Variants in CDO1 observed in about 807,000 individuals in gnomAD.
The protein encoded by CDO1 is cysteine dioxygenase, type I.
A neutral mutation model predicts 24.5 loss-of-function variants in CDO1; 19 were observed. That is an observed-to-expected ratio of 0.77 (90% CI 0.54 to 1.14). The LOEUF (loss-of-function observed/expected upper bound fraction) is 1.14. CDO1 is among the 50% of genes most tolerant of loss of function. The pLI is 0.00. For missense variants in CDO1, 244 were observed against 244.8 expected (o/e 1.00, Z 0.02); for synonymous variants, 91 against 87.0 (o/e 1.05, Z -0.26).
intron 3 of CDO1, 72 bp from the exon 4 acceptor site, chr5:115,806,590 T>A (rs2112677229): frequency 9.7e-7 from 1 of 1,030,652 alleles, no homozygotes; most frequent in Non-Finnish European, 1.4e-6. Flanking sequence ...TCTCTGTGAG[T>A]CATCTGAGAT....
chr5:115,809,319 G>A (rs1212807159), intron 3 of CDO1, among the ~76,000 whole-genome samples: 2 of 152,074 alleles, frequency 1.3e-5, no homozygotes, highest in African/African-American at 4.8e-5. Flanking sequence ...TTTCTTGGGG[G>A]TATTTATGAA....
intron 1 of CDO1, among the ~76,000 whole-genome samples, chr5:115,813,471 G>A (rs1760287477): frequency 6.6e-6 from 1 of 152,126 alleles, no homozygotes; most frequent in Admixed American, 6.5e-5. Flanking sequence ...AGAGGTAGCT[G>A]CTCAGTTTTA....
intron 1 of CDO1, among the ~76,000 whole-genome samples, chr5:115,814,660 C>T (rs942247064): frequency 6.6e-6 from 1 of 152,132 alleles, no homozygotes. Context: ...TCAATCGAGA[C>T]TAGTTCAAGG....
At position 115,816,269 on chromosome 5, in the gene CDO1, G is replaced by A. The variant is rs1760439933; in HGVS notation, c.129C>T (p.Asp43=). ...TGGCGTACATTGCCCACTCGGTGGG[G>A]TCGCTCTCGTAGGCTTCCATGATGG... ...VQAIMEAYES[D]PTEWAMYAKF... is the part of the protein sequence containing the mutation. Residue 43 remains aspartate, a synonymous_variant, in exon 1 of 5, where the codon GAC becomes GAT. Coordinates refer to ENST00000250535, the MANE Select transcript of CDO1 (RefSeq NM_001801.3). 2.5e-6 allele frequency: 4 copies of A among 1,614,084 alleles called. No homozygotes were observed. The highest frequency in any genetic ancestry group is 3.4e-6 in the Non-Finnish European group (4 of 1,180,036).
At chr5:115,806,813 A>C (rs1759968400) in intron 3 of CDO1, among the ~76,000 whole-genome samples, 1 of 152,236 alleles carries the variant, frequency 6.6e-6, no homozygotes, top group Non-Finnish European at 1.5e-5. Flanking sequence ...AGTAAGATGG[A>C]TAGCTTTACA....
intron 3 of CDO1, among the ~76,000 whole-genome samples, chr5:115,810,206 G>C (rs1760125828): frequency 6.6e-6 from 1 of 152,138 alleles, no homozygotes; most frequent in South Asian, 2.1e-4. Flanking sequence ...TTGGGTAAAT[G>C]AATCAGAGCT....
At chr5:115,814,366 C>T (rs1760332400) in intron 1 of CDO1, 1 of 152,250 alleles carries the variant, frequency 6.6e-6, no homozygotes, top group Non-Finnish European at 1.5e-5. Flanking sequence ...TTTGTTGCTT[C>T]TCTGCAGCTT....
chr5:115,811,469 T>G (rs955997518), intron 2 of CDO1, among the ~76,000 whole-genome samples, 154 bp from the exon 3 acceptor site: 2 of 152,204 alleles, frequency 1.3e-5, no homozygotes, highest in African/African-American at 2.4e-5. Flanking sequence ...TGTTATCAAC[T>G]TACAGTTCAA....
intron 2 of CDO1, among the ~76,000 whole-genome samples, 188 bp from the exon 3 acceptor site, chr5:115,811,503 T>C (rs987696437): frequency 1.3e-5 from 2 of 152,184 alleles, no homozygotes; most frequent in African/African-American, 2.4e-5. Context: ...AAAGTAATAA[T>C]ATATCATCTA....
rs1479486512 is a variant in CDO1, at chr5:115,804,788, T to C, written c.*645A>G. The stretch of plus-strand genomic sequence containing the variant: ...TTGGTAATTTTAGCAGTACAAAATC[T>C]TTGACTATGACCATGGGACACAGAC... On this transcript the variant is annotated 3_prime_UTR_variant, in exon 5 of 5. Coordinates refer to ENST00000250535, the MANE Select transcript of CDO1 (RefSeq NM_001801.3). 1 of 152,148 alleles carries C rather than the reference T, an allele frequency of 6.6e-6. No individual in the cohort carries two copies. Among genetic ancestry groups the C allele is most frequent in the Non-Finnish European group, 1.5e-5 (1 of 68,026 alleles). The allele number at this position is 152,148 out of a possible 1,614,324, so 9.4% of individuals were successfully genotyped here.
At position 115,813,169 on chromosome 5, in the gene CDO1, T is replaced by C. The variant is rs529590866; in HGVS notation, c.248+12A>G. On this transcript the variant is annotated intron_variant, in intron 2 of 4. Transcript: ENST00000250535. ...GCTCTAATAAATATCTGTGAATGAA[T>C]AGTTATTTTACCTGCCATGTCCTTC... 6.8e-7 allele frequency: 1 copy of C among 1,463,284 alleles called. No homozygotes were observed. The highest frequency in any genetic ancestry group is 1.1e-5 in the South Asian group (1 of 87,172). 90.6% of individuals were successfully genotyped at this position (1,463,284 alleles called of 1,614,324 possible).
At chr5:115,811,544 T>C (rs1760190299) in intron 2 of CDO1, among the ~76,000 whole-genome samples, 3 of 152,224 alleles carry the variant, frequency 2.0e-5, no homozygotes, top group South Asian at 2.1e-4. Flanking sequence ...ACAATTTTGA[T>C]GCATACCCCT....
intron 4 of CDO1, 30 bp from the exon 5 acceptor site, chr5:115,805,492 G>T (rs974852700): frequency 6.2e-6 from 10 of 1,610,410 alleles, no homozygotes; most frequent in Non-Finnish European, 7.6e-6. Flanking sequence ...AGAAAGCTGT[G>T]TAAGAAACTT....
rs193094536 is a variant in CDO1, at chr5:115,808,295, T to A, written c.404-1777A>T. Among the ~76,000 whole-genome samples, 6 of 152,192 alleles carry A rather than the reference T, an allele frequency of 3.9e-5. No individual in the cohort carries two copies. The East Asian group carries it at 1.2e-3, about 29-fold the overall frequency. ...CACCCGGCCAGCCCTAGGCTTTTGA[T>A]AAGAACACTAGAAACTAAAAGACAA... On this transcript the variant is annotated intron_variant, in intron 3 of 4. Transcript: ENST00000250535.
At chr5:115,808,616 C>A (rs1479172570) in intron 3 of CDO1, among the ~76,000 whole-genome samples, 2 of 152,218 alleles carry the variant, frequency 1.3e-5, no homozygotes, top group East Asian at 3.9e-4. Flanking sequence ...TGTAAGGAAT[C>A]TCAGGATCAC....
chr5:115,816,374 C>A lies in CDO1; in HGVS notation c.24G>T (p.Lys8Asn), dbSNP rs200963738. Residue 8 changes from lysine (K) to asparagine (N), a missense_variant, in exon 1 of 5, where the codon AAG becomes AAT. By Grantham distance (94) the Lys-to-Asn change is moderately conservative. Coordinates refer to ENST00000250535, the MANE Select transcript of CDO1 (RefSeq NM_001801.3). ...GGATCAGATCAGCCAGGGTCCGTGG[C>A]TTCAGCACTTCGGTCTGTTCCATCT... MEQTEVLKPRTLADLIRI... is the reference protein window; with the variant it reads MEQTEVLNPRTLADLIRI... 1.4e-5 allele frequency: 22 copies of A among 1,613,658 alleles called. No homozygotes were observed. The highest frequency in any genetic ancestry group is 1.9e-5 in the Non-Finnish European group (22 of 1,180,030).
At chr5:115,814,108 TC>T (rs139556950) in intron 1 of CDO1, among the ~76,000 whole-genome samples, 4,616 of 152,262 alleles carry the variant, frequency 0.03, 256 homozygotes, top group African/African-American at 0.11. Context: ...GAGTTTTTTT[TC>T]CCTTCGTCAT....
At chr5:115,813,146 T>C (rs1198170454) in intron 2 of CDO1, 35 bp downstream of exon 2, 1 of 1,195,420 alleles carries the variant, frequency 8.4e-7, no homozygotes, top group Admixed American at 1.7e-5. Flanking sequence ...GAAAACATGC[T>C]CTAATAAATA....
At chr5:115,813,309 C>A (rs775272245) in intron 1 of CDO1, 51 bp from the exon 2 acceptor site, 2 of 1,014,100 alleles carry the variant, frequency 2.0e-6, no homozygotes, top group Non-Finnish European at 3.1e-6. Context: ...CTGAAACAAG[C>A]ACTGGAAAAA....
Sources: gnomAD v4.1 joint callset for allele counts (sites outside exome capture counted in the v4.1 genomes callset) on GRCh38, gnomAD v4.1.1 for gene constraint, MANE v1.5 for transcripts, NCBI Gene and HGNC (gene_info 2026-07-23, HGNC 2026-07-21) for gene names.